CSMD1: variants seen among roughly 807,000 people sequenced by gnomAD.
The protein encoded by CSMD1 is CUB and sushi domain-containing protein 1.
In CSMD1, 213 loss-of-function variants were observed where a neutral mutation model predicts 417.5. The ratio of observed to expected loss-of-function variants is 0.51; its 90% CI spans 0.46 to 0.57. CSMD1 has a LOEUF of 0.57. Among genes scored for constraint, CSMD1 ranks in the 20% least tolerant of loss-of-function variants. The probability of loss-of-function intolerance (pLI) is 0.00; values close to 1 mark genes in which losing one functional copy is unlikely to be tolerated. For missense variants in CSMD1, 6,923 were observed against 4,529.7 expected, an observed-to-expected ratio of 1.53 and a Z score of -15.17; for synonymous variants, 2,862 against 1,736.8, an observed-to-expected ratio of 1.65 and a Z score of -16.11.
chr8:3,430,636 A>C (rs750500809), intron 12 of CSMD1, among the ~76,000 whole-genome samples: 33 of 152,226 alleles, frequency 2.2e-4, no homozygotes, highest in Non-Finnish European at 3.7e-4. Flanking sequence ...GTGAAACCAC[A>C]TCTCCACTAA....
intron 1 of CSMD1, among the ~76,000 whole-genome samples, chr8:4,684,802 C>G (rs1401685081): frequency 6.6e-6 from 1 of 152,068 alleles, no homozygotes; most frequent in Non-Finnish European, 1.5e-5. Flanking sequence ...TTATTGAGAA[C>G]AGTAAGTAAA....
At chr8:3,685,772 C>G (rs528329761) in intron 7 of CSMD1, among the ~76,000 whole-genome samples, 3 of 151,860 alleles carry the variant, frequency 2.0e-5, no homozygotes, top group Non-Finnish European at 4.4e-5. Context: ...TTTTTAATTT[C>G]TATGGGTACA....
chr8:4,312,376 A>AATATATATATAT lies in CSMD1; in HGVS notation c.415+107565_415+107576dup, dbSNP rs535230667. Reference sequence around the variant, plus strand: ...TAAGCTAATTACTTTTAATGGAACAAATATATATATATATATACATACATA... The same window carrying AATATATATATAT: ...TAAGCTAATTACTTTTAATGGAACAAATATATATATATATATATATATATATATACATACATA... On this transcript the variant is annotated intron_variant, in intron 3 of 69. Transcript: ENST00000635120. Among the ~76,000 whole-genome samples the AATATATATATAT allele has an allele frequency of 4.1e-3, 260 of 63,122 alleles. 27 individuals carry two copies. Among genetic ancestry groups the AATATATATATAT allele is most frequent in the African/African-American group, 0.016 (247 of 15,722 alleles). 41.4% of individuals were successfully genotyped at this position (63,122 alleles called of 152,430 possible). A position where few individuals can be genotyped will look rare whatever the true frequency, so the allele number is the denominator to read the frequency against.
chr8:3,248,523 C>CTTTTTTTTTTTTT (rs10663439), intron 26 of CSMD1, among the ~76,000 whole-genome samples: 8 of 85,982 alleles, frequency 9.3e-5, no homozygotes, highest in Middle Eastern at 0.013. Flanking sequence ...AATTCCCTCC[C>CTTTTTTTTTTTTT]TTTTTTTTTT....
At chr8:4,618,916 T>G (rs997504852) in intron 2 of CSMD1, among the ~76,000 whole-genome samples, 1 of 152,106 alleles carries the variant, frequency 6.6e-6, no homozygotes, top group Non-Finnish European at 1.5e-5. Flanking sequence ...CATAAACTCT[T>G]CACAAAAGAA....
At chr8:3,379,471 G>T (rs557070367) in intron 18 of CSMD1, among the ~76,000 whole-genome samples, 18 of 152,244 alleles carry the variant, frequency 1.2e-4, no homozygotes, top group Non-Finnish European at 2.1e-4. Context: ...CATAGTTGGA[G>T]GCATCGTGCT....
intron 1 of CSMD1, among the ~76,000 whole-genome samples, chr8:4,687,160 CCAGAGAGG>C (rs1806444745): frequency 6.6e-6 from 1 of 152,168 alleles, no homozygotes; most frequent in African/African-American, 2.4e-5. Context: ...CCGCTGCCAG[CCAGAGAGG>C]CAGGGGTCTT....
intron 3 of CSMD1, among the ~76,000 whole-genome samples, chr8:4,297,518 A>G (rs1178491116): frequency 1.3e-5 from 2 of 152,184 alleles, no homozygotes; most frequent in African/African-American, 4.8e-5. Context: ...TTTTGCTTCT[A>G]TAGCTGTTAA....
chr8:3,485,018 T>A (rs1381791395), intron 11 of CSMD1, among the ~76,000 whole-genome samples: 1 of 152,170 alleles, frequency 6.6e-6, no homozygotes, highest in Non-Finnish European at 1.5e-5. Context: ...CCTACAAAAC[T>A]AAACATACAA....
chr8:4,155,919 G>C (rs1021883067), intron 3 of CSMD1, among the ~76,000 whole-genome samples: 4 of 152,134 alleles, frequency 2.6e-5, no homozygotes, highest in Middle Eastern at 3.2e-3. Context: ...GAGCTTTTGA[G>C]GAATGCACAG....
Position 3,261,946 on chromosome 8 carries a change from C to T in CSMD1, c.4153+22198G>A, listed in dbSNP as rs536304005. Among the ~76,000 whole-genome samples, 7 of 151,808 alleles carry T rather than the reference C, an allele frequency of 4.6e-5. No homozygotes were observed. The South Asian group carries it at 8.3e-4, about 18-fold the overall frequency. ...TACTTATTGATAGTATCAATGTCAA[C>T]GCGTGGGCTGTGATAGTGAACTCTA... On this transcript the variant is annotated intron_variant, in intron 26 of 69. Coordinates refer to ENST00000635120, the MANE Select transcript of CSMD1 (RefSeq NM_033225.6).
chr8:3,626,624 CA>C (rs1288108928), intron 7 of CSMD1, among the ~76,000 whole-genome samples: 1 of 151,386 alleles, frequency 6.6e-6, no homozygotes, highest in Non-Finnish European at 1.5e-5. Context: ...GATGAGTCCC[CA>C]CAGAAAGTTT....
chr8:3,273,768 T>C (rs1004661187), intron 26 of CSMD1, among the ~76,000 whole-genome samples: 43 of 147,318 alleles, frequency 2.9e-4, no homozygotes, highest in African/African-American at 1.1e-3. Context: ...TCTGTGGGAT[T>C]GGTGGTGATA....
chr8:3,206,529 A>G (rs1390528763), intron 30 of CSMD1, among the ~76,000 whole-genome samples: 11 of 92,202 alleles, frequency 1.2e-4, no homozygotes, highest in Non-Finnish European at 1.8e-4. Context: ...CTGCGTGTGT[A>G]TGTATGTGTG....
At chr8:3,245,960 C>G (rs974270592) in intron 26 of CSMD1, among the ~76,000 whole-genome samples, 2 of 152,028 alleles carry the variant, frequency 1.3e-5, no homozygotes, top group Admixed American at 6.6e-5. Context: ...ATTTTTTTCT[C>G]TATTACTTTT....
chr8:4,773,315 G>A (rs191715021), intron 1 of CSMD1, among the ~76,000 whole-genome samples: 297 of 152,226 alleles, frequency 2.0e-3, no homozygotes, highest in African/African-American at 7.0e-3. Flanking sequence ...TTATAAACTT[G>A]CAGTTCTGCC....
chr8:4,208,285 A>G (rs529500413), intron 3 of CSMD1, among the ~76,000 whole-genome samples: 4 of 152,320 alleles, frequency 2.6e-5, no homozygotes, highest in African/African-American at 7.2e-5. Context: ...ACAAGAAACA[A>G]GAAGAATTAG....
intron 2 of CSMD1, among the ~76,000 whole-genome samples, chr8:4,462,330 G>A (rs1444684479): frequency 6.6e-6 from 1 of 152,032 alleles, no homozygotes; most frequent in Admixed American, 6.6e-5. Context: ...AACTATAAGT[G>A]TTTAAAGAAA....
intron 3 of CSMD1, among the ~76,000 whole-genome samples, chr8:4,047,770 A>G (rs1169689420): frequency 6.6e-6 from 1 of 152,062 alleles, no homozygotes; most frequent in African/African-American, 2.4e-5. Context: ...TTTTGATAGG[A>G]ATAGGTAGAG....
Sources: gnomAD v4.1 joint callset for allele counts (sites outside exome capture counted in the v4.1 genomes callset) on GRCh38, gnomAD v4.1.1 for gene constraint, MANE v1.5 for transcripts, NCBI Gene and HGNC (gene_info 2026-07-23, HGNC 2026-07-21) for gene names.